Variants in GRB14 observed in about 807,000 individuals in gnomAD.
The protein encoded by GRB14 is growth factor receptor-bound protein 14.
In GRB14, 38 loss-of-function variants were observed where a neutral mutation model predicts 69.1. The observed-to-expected ratio is 0.55, with a 90% CI of 0.42 to 0.72. The LOEUF is 0.72. Ranked by LOEUF, GRB14 falls within the 30% of genes least tolerant of loss-of-function variation. The probability of loss-of-function intolerance (pLI) is 0.00; values close to 1 mark genes in which losing one functional copy is unlikely to be tolerated. For synonymous variants in GRB14, 247 were observed against 241.3 expected (o/e 1.02, Z -0.22); for missense variants, 666 against 666.1 (o/e 1.00, Z 0.00).
intron 2 of GRB14, among the ~76,000 whole-genome samples, chr2:164,587,743 G>A (rs553587564): frequency 1.3e-5 from 2 of 152,124 alleles, no homozygotes; most frequent in South Asian, 2.1e-4. Context: ...CTTACTAATC[G>A]AAAACTGACA....
At chr2:164,551,254 A>G (rs541906154) in intron 2 of GRB14, among the ~76,000 whole-genome samples, 1 of 152,320 alleles carries the variant, frequency 6.6e-6, no homozygotes, top group South Asian at 2.1e-4. Flanking sequence ...AATCAGAAGC[A>G]GTTAGAGCCA....
intron 6 of GRB14, among the ~76,000 whole-genome samples, chr2:164,514,398 G>A (rs1337269371): frequency 1.3e-5 from 2 of 152,140 alleles, no homozygotes; most frequent in African/African-American, 2.4e-5. Flanking sequence ...GTGTGAAAAG[G>A]GGGATCGTCC....
intron 2 of GRB14, among the ~76,000 whole-genome samples, chr2:164,600,297 A>G (rs1689885151): frequency 6.6e-6 from 1 of 152,228 alleles, no homozygotes; most frequent in African/African-American, 2.4e-5. Flanking sequence ...AAGCAATGCA[A>G]TTTAAAATTC....
intron 3 of GRB14, among the ~76,000 whole-genome samples, chr2:164,540,454 C>A (rs1267282280): frequency 6.6e-6 from 1 of 151,968 alleles, no homozygotes; most frequent in Non-Finnish European, 1.5e-5. Flanking sequence ...ACTAAAAATA[C>A]AAAAATTAGC....
intron 2 of GRB14, among the ~76,000 whole-genome samples, chr2:164,581,750 C>A (rs1689411512): frequency 6.6e-6 from 1 of 152,192 alleles, no homozygotes; most frequent in Admixed American, 6.5e-5. Context: ...TCCTTCCCAG[C>A]TTCTTAGAAG....
intron 3 of GRB14, among the ~76,000 whole-genome samples, chr2:164,537,743 A>G (rs1688115228): frequency 1.3e-5 from 2 of 152,182 alleles, no homozygotes; most frequent in Admixed American, 6.5e-5. Flanking sequence ...GGCACTTACT[A>G]TCTTTGCTAG....
intron 5 of GRB14, among the ~76,000 whole-genome samples, chr2:164,523,637 T>C (rs1310264166): frequency 1.3e-5 from 2 of 152,064 alleles, no homozygotes; most frequent in Admixed American, 1.3e-4. Context: ...AAGTAGGTTT[T>C]TTAGTTTGAG....
intron 3 of GRB14, among the ~76,000 whole-genome samples, chr2:164,541,177 A>C (rs1240207822): frequency 6.6e-6 from 1 of 152,204 alleles, no homozygotes. Flanking sequence ...AATATTTTTT[A>C]AAATAATAGG....
chr2:164,571,315 G>T (rs1521527), intron 2 of GRB14, among the ~76,000 whole-genome samples: 3 of 151,978 alleles, frequency 2.0e-5, no homozygotes, highest in Admixed American at 6.6e-5. Context: ...ACTGCTGTGA[G>T]GATCAAAGGA....
At position 164,545,709 on chromosome 2, in the gene GRB14, G is replaced by A. The variant is rs753225234; in HGVS notation, c.481+1951C>T. On this transcript the variant is annotated intron_variant, in intron 3 of 13. Coordinates refer to ENST00000263915, the MANE Select transcript of GRB14 (RefSeq NM_004490.3). ...AAACTAATAAGGAGTTCAAAGAATC[G>A]AATGACACTGCCATAACGAACTCCT... is the stretch of plus-strand genomic sequence containing the variant. 6.6e-5 allele frequency among the ~76,000 whole-genome samples: 10 copies of A among 152,158 alleles called. 1 individual carries two copies. The highest frequency in any genetic ancestry group is 1.3e-4 in the Admixed American group (2 of 15,272).
At chr2:164,565,768 T>C (rs1360186003) in intron 2 of GRB14, among the ~76,000 whole-genome samples, 1 of 152,176 alleles carries the variant, frequency 6.6e-6, no homozygotes, top group Non-Finnish European at 1.5e-5. Flanking sequence ...TAATAGAATT[T>C]GGAAGTGAAC....
intron 2 of GRB14, among the ~76,000 whole-genome samples, chr2:164,598,668 A>C (rs1309075344): frequency 4.6e-5 from 7 of 152,194 alleles, no homozygotes; most frequent in Non-Finnish European, 1.0e-4. Context: ...AAAGTAAAAA[A>C]TTCAACGATC....
chr2:164,499,449 A>AT (rs1172231045), intron 9 of GRB14, among the ~76,000 whole-genome samples: 23 of 152,304 alleles, frequency 1.5e-4, no homozygotes, highest in African/African-American at 4.8e-4. Context: ...GGACAAAAAA[A>AT]TGGAAGTAAA....
Position 164,619,766 on chromosome 2 carries a change from A to C in GRB14, c.245T>G (p.Phe82Cys). Residue 82 changes from phenylalanine to cysteine, a missense_variant, in exon 2 of 14, where the codon TTT becomes TGT. Transcript: ENST00000263915. ...VPEMPSIPNP[F>C]PELCCSPFTS... ...AAATGGAGAACAGCATAGCTCAGGAAAAGGGTTTGGAATAGATGGCATTTC... is the reference window on the plus strand; with the variant it reads ...AAATGGAGAACAGCATAGCTCAGGACAAGGGTTTGGAATAGATGGCATTTC... The C allele has an allele frequency of 6.8e-6, 11 of 1,611,340 alleles. No homozygotes were observed. Among genetic ancestry groups the C allele is most frequent in the Non-Finnish European group, 9.3e-6 (11 of 1,178,108 alleles).
intron 2 of GRB14, among the ~76,000 whole-genome samples, chr2:164,549,863 AAAAATAAAATAAAATAAAATAAAAT>A (rs10557491): frequency 0.022 from 2,451 of 110,062 alleles, 75 homozygotes; most frequent in African/African-American, 0.073. Flanking sequence ...GACTCCATCT[AAAAATAAAATAAAATAAAATAAAAT>A]AAAATAAAAT....
intron 2 of GRB14, among the ~76,000 whole-genome samples, chr2:164,579,501 G>GCGCGCGCA (rs71393628): frequency 2.8e-5 from 4 of 145,010 alleles, no homozygotes; most frequent in African/African-American, 1.1e-4. Flanking sequence ...GGGCACACTT[G>GCGCGCGCA]CACACACACA....
intron 2 of GRB14, among the ~76,000 whole-genome samples, chr2:164,578,601 C>T (rs1173302855): frequency 6.6e-6 from 1 of 151,128 alleles, no homozygotes; most frequent in South Asian, 2.1e-4. Context: ...ATCAGTGATA[C>T]GAGAAACATA....
chr2:164,596,994 C>T lies in GRB14; in HGVS notation c.324+22693G>A, dbSNP rs145591204. ...ATTTATTTAATCTAACTCTAAGGAACGGAAGGATTAAATGTCAGATATCCT... is the reference window on the plus strand; with the variant it reads ...ATTTATTTAATCTAACTCTAAGGAATGGAAGGATTAAATGTCAGATATCCT... On this transcript the variant is annotated intron_variant, in intron 2 of 13. Transcript: ENST00000263915. Among the ~76,000 whole-genome samples the T allele has an allele frequency of 3.3e-3, 497 of 152,178 alleles. 2 individuals carry two copies. Among genetic ancestry groups the T allele is most frequent in the Admixed American group, 8.6e-3 (132 of 15,284 alleles).
At chr2:164,618,635 G>T (rs1318376371) in intron 2 of GRB14, among the ~76,000 whole-genome samples, 1 of 152,048 alleles carries the variant, frequency 6.6e-6, no homozygotes, top group Admixed American at 6.6e-5. Flanking sequence ...TATACACAGG[G>T]CTTCCATCAA....
Sources: gnomAD v4.1 joint callset for allele counts (sites outside exome capture counted in the v4.1 genomes callset) on GRCh38, gnomAD v4.1.1 for gene constraint, MANE v1.5 for transcripts, NCBI Gene and HGNC (gene_info 2026-07-23, HGNC 2026-07-21) for gene names.